Variants in GRID2 observed in about 807,000 individuals in gnomAD.
The protein encoded by GRID2 is glutamate ionotropic receptor delta type subunit 2.
Under a neutral mutation model 114.8 loss-of-function variants are expected in GRID2, and 33 were observed. The observed-to-expected ratio is 0.29, with a 90% CI of 0.22 to 0.38. The LOEUF is 0.38. Among genes scored for constraint, GRID2 ranks in the 10% least tolerant of loss-of-function variants. The pLI is 1.00. For missense variants in GRID2, 1,184 were observed against 1,257.7 expected (o/e 0.94, Z 0.89); for synonymous variants, 505 against 449.9 (o/e 1.12, Z -1.55).
rs181513923 is a variant in GRID2 at position 92,449,002 on chromosome 4, T to C, written c.89-141129T>C. 6.6e-5 allele frequency among the ~76,000 whole-genome samples: 10 copies of C among 152,222 alleles called. No homozygotes were observed. In the East Asian group the frequency reaches 1.9e-3, roughly 29 times the overall value. The stretch of plus-strand genomic sequence containing the variant: ...CTCCACAACTAATATTTTATTATGA[T>C]ATTTTCTACATTATTACCTATTTCT... On this transcript the variant is annotated intron_variant, in intron 1 of 15. Coordinates refer to ENST00000282020, the MANE Select transcript of GRID2 (RefSeq NM_001510.4).
intron 2 of GRID2, among the ~76,000 whole-genome samples, chr4:92,938,874 T>TC (rs1373327020): frequency 6.8e-6 from 1 of 146,732 alleles, no homozygotes; most frequent in African/African-American, 2.4e-5. Flanking sequence ...TTCAACCATG[T>TC]CCCTACAAAG....
intron 14 of GRID2, among the ~76,000 whole-genome samples, chr4:93,706,965 A>G (rs1341622970): frequency 1.3e-5 from 2 of 152,070 alleles, no homozygotes; most frequent in African/African-American, 2.4e-5. Flanking sequence ...GAAATATCAT[A>G]TGATTTTTCT....
chr4:93,457,643 G>T (rs1172182626), intron 11 of GRID2, among the ~76,000 whole-genome samples: 1 of 152,164 alleles, frequency 6.6e-6, no homozygotes, highest in African/African-American at 2.4e-5. Flanking sequence ...AGGTAAGGTA[G>T]CTTTGGGAGT....
Position 93,398,287 on chromosome 4 carries a change from C to T in GRID2, c.1347+2579C>T, listed in dbSNP as rs114212094. Among the ~76,000 whole-genome samples the T allele has an allele frequency of 6.4e-3, 970 of 150,654 alleles. 8 individuals are homozygous for T. The highest frequency in any genetic ancestry group is 0.022 in the African/African-American group (916 of 40,886). ...AAATTGAAGAATAACATGCAAGGAG[C>T]GATTCTACGTGTGGTAACTGCTCTG... On this transcript the variant is annotated intron_variant, in intron 9 of 15. Coordinates refer to ENST00000282020, the MANE Select transcript of GRID2 (RefSeq NM_001510.4).
intron 8 of GRID2, chr4:93,306,241 A>G (rs1755408594): frequency 6.6e-6 from 1 of 152,226 alleles, no homozygotes; most frequent in African/African-American, 2.4e-5. Context: ...AGGTTGGGCT[A>G]AGAGAAGAGC....
At chr4:93,401,289 G>T (rs191444248) in intron 9 of GRID2, among the ~76,000 whole-genome samples, 2 of 152,038 alleles carry the variant, frequency 1.3e-5, no homozygotes, top group African/African-American at 2.4e-5. Flanking sequence ...ATGACTGGAA[G>T]TCTATAGTAA....
intron 13 of GRID2, among the ~76,000 whole-genome samples, chr4:93,585,878 T>A (rs1737493625): frequency 6.6e-6 from 1 of 152,102 alleles, no homozygotes; most frequent in South Asian, 2.1e-4. Flanking sequence ...ATATCCACCT[T>A]TAGTTACTGA....
chr4:93,452,025 T>C (rs1354841996), intron 10 of GRID2, among the ~76,000 whole-genome samples: 1 of 152,114 alleles, frequency 6.6e-6, no homozygotes, highest in Non-Finnish European at 1.5e-5. Flanking sequence ...CTAGAAATAA[T>C]ACATTTGTAA....
At chr4:92,785,399 A>G (rs564616164) in intron 2 of GRID2, among the ~76,000 whole-genome samples, 13 of 151,438 alleles carry the variant, frequency 8.6e-5, no homozygotes, top group African/African-American at 2.7e-4. Flanking sequence ...AATATATATT[A>G]AATATTGTTT....
intron 2 of GRID2, among the ~76,000 whole-genome samples, chr4:92,749,248 C>T (rs1034471262): frequency 2.6e-5 from 4 of 151,528 alleles, no homozygotes; most frequent in Admixed American, 6.6e-5. Context: ...GTGATCTGCC[C>T]GCCTCCCAAA....
chr4:93,429,933 T>C (rs909664730), intron 10 of GRID2, among the ~76,000 whole-genome samples: 1 of 152,138 alleles, frequency 6.6e-6, no homozygotes, highest in Non-Finnish European at 1.5e-5. Context: ...TATAATAAGA[T>C]ACTATTTAGT....
chr4:93,515,020 T>C (rs1422595364), intron 12 of GRID2, among the ~76,000 whole-genome samples, 196 bp from the exon 13 acceptor site: 1 of 152,202 alleles, frequency 6.6e-6, no homozygotes. Flanking sequence ...GTTCTCATAA[T>C]TTGTATAAAT....
At chr4:92,380,294 C>T (rs1184977987) in intron 1 of GRID2, among the ~76,000 whole-genome samples, 2 of 150,022 alleles carry the variant, frequency 1.3e-5, no homozygotes, top group South Asian at 4.2e-4. Context: ...ATTTCTATTC[C>T]AAATGAAAAA....
intron 4 of GRID2, among the ~76,000 whole-genome samples, chr4:93,195,179 T>A (rs1741366245): frequency 1.3e-5 from 2 of 152,212 alleles, no homozygotes; most frequent in Non-Finnish European, 2.9e-5. Context: ...ATAGGAAGGC[T>A]GACTCAGTTT....
intron 2 of GRID2, among the ~76,000 whole-genome samples, chr4:92,906,942 C>T (rs1748003655): frequency 2.6e-5 from 4 of 152,046 alleles, no homozygotes; most frequent in South Asian, 2.1e-4. Flanking sequence ...AATATGAGGC[C>T]CCACACCAGA....
At chr4:93,533,908 T>C (rs573533442) in intron 13 of GRID2, among the ~76,000 whole-genome samples, 9 of 152,090 alleles carry the variant, frequency 5.9e-5, no homozygotes, top group Admixed American at 3.9e-4. Flanking sequence ...CCCACTCCAT[T>C]CAAGGCCAAA....
chr4:93,387,483 G>T (rs1325535059), intron 8 of GRID2, among the ~76,000 whole-genome samples: 1 of 152,092 alleles, frequency 6.6e-6, no homozygotes, highest in Non-Finnish European at 1.5e-5. Context: ...GCTGATAGCT[G>T]GTAACACAGT....
intron 14 of GRID2, among the ~76,000 whole-genome samples, chr4:93,658,199 G>T (rs539324923): frequency 7.2e-5 from 11 of 152,052 alleles, no homozygotes; most frequent in Admixed American, 4.6e-4. Context: ...CTGACCTGTT[G>T]GACTAATTTC....
At chr4:93,594,889 G>T (rs1001582223) in intron 13 of GRID2, among the ~76,000 whole-genome samples, 4 of 152,222 alleles carry the variant, frequency 2.6e-5, no homozygotes, top group African/African-American at 7.2e-5. Context: ...CCCGAGTGAG[G>T]CAATGCCTCG....
Sources: gnomAD v4.1 joint callset for allele counts (sites outside exome capture counted in the v4.1 genomes callset) on GRCh38, gnomAD v4.1.1 for gene constraint, MANE v1.5 for transcripts, NCBI Gene and HGNC (gene_info 2026-07-23, HGNC 2026-07-21) for gene names.